The following LRTM1 variants were observed in gnomAD, a reference collection of about 807,000 sequenced individuals.
LRTM1 encodes the protein leucine rich repeat transmembrane protein 1.
In LRTM1, 38 loss-of-function variants were observed where a neutral mutation model predicts 32.4. That is an observed-to-expected ratio of 1.17 (90% CI 0.91 to 1.54). The LOEUF is 1.54. LRTM1 is among the 40% of genes most tolerant of loss of function. The probability of loss-of-function intolerance (pLI) is 0.00; values close to 1 mark genes in which losing one functional copy is unlikely to be tolerated. For synonymous variants in LRTM1, 186 were observed against 169.9 expected, an observed-to-expected ratio of 1.09 and a Z score of -0.74; for missense variants, 466 against 415.4, an observed-to-expected ratio of 1.12 and a Z score of -1.06.
chr3:54,965,845 A>G (rs1702136300), intron 1 of LRTM1, among the ~76,000 whole-genome samples: 1 of 152,158 alleles, frequency 6.6e-6, no homozygotes, highest in African/African-American at 2.4e-5. Flanking sequence ...CTCATGGTGC[A>G]GGCAGGGGTG....
At chr3:54,936,390 T>G (rs1027960195) in intron 1 of LRTM1, among the ~76,000 whole-genome samples, 1 of 152,154 alleles carries the variant, frequency 6.6e-6, no homozygotes, top group African/African-American at 2.4e-5. Context: ...AAGTGCAATC[T>G]CAGTGAATTT....
chr3:54,964,386 C>T (rs1311862586), intron 1 of LRTM1, among the ~76,000 whole-genome samples: 4 of 147,450 alleles, frequency 2.7e-5, no homozygotes, highest in South Asian at 2.3e-4. Context: ...CTGTCTAAAA[C>T]ATTACAAACC....
In LRTM1 at chr3:54,925,158, G is replaced by T. The variant is rs781754883; in HGVS notation, c.65C>A (p.Pro22Gln). ...IVLLQVVCSC[P>Q]DKCYCQSSTN... The stretch of plus-strand genomic sequence containing the variant: ...AGATGACTGACAGTAACACTTGTCC[G>T]GGCAGCTGCATACCACCTGGAGCAG... The change falls in exon 2 of 3, where the codon CCG becomes CAG. Residue 22 changes from proline to glutamine, a missense_variant. Pro to Gln is a moderately conservative substitution (Grantham distance 76, BLOSUM62 -1). Coordinates refer to ENST00000273286, the MANE Select transcript of LRTM1 (RefSeq NM_020678.4). The T allele has an allele frequency of 1.2e-6, 2 of 1,613,910 alleles. No individual in the cohort carries two copies. Among genetic ancestry groups the T allele is most frequent in the Non-Finnish European group, 1.7e-6 (2 of 1,180,004 alleles).
At chr3:54,944,825 G>A (rs1055693462) in intron 1 of LRTM1, among the ~76,000 whole-genome samples, 1 of 152,090 alleles carries the variant, frequency 6.6e-6, no homozygotes, top group African/African-American at 2.4e-5. Context: ...GTGTGTGTGT[G>A]TGTGTGTGTG....
chr3:54,928,821 T>C (rs1244686028), upstream of LRTM1, among the ~76,000 whole-genome samples: 2 of 151,992 alleles, frequency 1.3e-5, no homozygotes, highest in Non-Finnish European at 2.9e-5. Flanking sequence ...CCCTCACTTT[T>C]CACATATAAA....
chr3:54,965,292 C>A (rs1439333232), intron 1 of LRTM1, among the ~76,000 whole-genome samples: 1 of 152,182 alleles, frequency 6.6e-6, no homozygotes, highest in East Asian at 1.9e-4. Flanking sequence ...GCCATTTGAC[C>A]TCAGCCTGAA....
upstream of LRTM1, among the ~76,000 whole-genome samples, chr3:54,929,419 C>T (rs372856527): frequency 9.2e-5 from 14 of 152,192 alleles, no homozygotes; most frequent in Admixed American, 2.6e-4. Context: ...TGGAACCTGG[C>T]CCTTCGTGCC....
chr3:54,942,355 C>A (rs1701493309), intron 1 of LRTM1, among the ~76,000 whole-genome samples: 1 of 152,182 alleles, frequency 6.6e-6, no homozygotes, highest in South Asian at 2.1e-4. Flanking sequence ...GTTCTGCCAT[C>A]CCCTCCCACA....
At chr3:54,949,808 T>C (rs1411713061) in intron 1 of LRTM1, among the ~76,000 whole-genome samples, 1 of 152,172 alleles carries the variant, frequency 6.6e-6, no homozygotes, top group African/African-American at 2.4e-5. Context: ...AGACTTTTTT[T>C]GCCTGTGATT....
intron 2 of LRTM1, 79 bp downstream of exon 2, chr3:54,924,540 T>G: frequency 1.7e-6 from 2 of 1,200,764 alleles, no homozygotes; most frequent in Admixed American, 2.0e-5. Flanking sequence ...CTCCACATTC[T>G]TTCTAATGCA....
Position 54,934,787 on chromosome 3 carries a change from A to G in LRTM1, c.-221-9572T>C, listed in dbSNP as rs564550027. ...TCACCTGTTGCCCAGGCTGGAGTGC[A>G]GTGGCGCTATCGTAGCTCACTGCAA... On this transcript the variant is annotated intron_variant, in intron 1 of 2. Transcript: ENST00000493075. Among the ~76,000 whole-genome samples, 8 of 152,260 alleles carry G rather than the reference A, an allele frequency of 5.3e-5. No homozygotes were observed. In the East Asian group the frequency reaches 1.5e-3, roughly 29 times the overall value.
chr3:54,953,268 A>G (rs1304786582), intron 1 of LRTM1, among the ~76,000 whole-genome samples: 2 of 152,222 alleles, frequency 1.3e-5, no homozygotes, highest in African/African-American at 4.8e-5. Flanking sequence ...CTCTGAAGGC[A>G]TGCTGCATGT....
At chr3:54,934,249 C>T (rs1701274782) in intron 1 of LRTM1, among the ~76,000 whole-genome samples, 1 of 152,164 alleles carries the variant, frequency 6.6e-6, no homozygotes, top group African/African-American at 2.4e-5. Context: ...ATTTTTTACA[C>T]AACCCATTCT....
At chr3:54,921,827 T>C (rs961438676) in intron 2 of LRTM1, among the ~76,000 whole-genome samples, 3 of 152,194 alleles carry the variant, frequency 2.0e-5, no homozygotes, top group African/African-American at 7.2e-5. Flanking sequence ...ACAGATTTTA[T>C]TGCATATATA....
chr3:54,920,168 G>A (rs1373612547), intron 2 of LRTM1, among the ~76,000 whole-genome samples: 1 of 152,202 alleles, frequency 6.6e-6, no homozygotes, highest in Non-Finnish European at 1.5e-5. Flanking sequence ...GACATATGTA[G>A]AGGGCATCAC....
At chr3:54,953,176 A>G (rs761121845) in intron 1 of LRTM1, among the ~76,000 whole-genome samples, 1 of 152,236 alleles carries the variant, frequency 6.6e-6, no homozygotes, top group Non-Finnish European at 1.5e-5. Flanking sequence ...TGCTAGGCTC[A>G]TGACATACAT....
chr3:54,966,617 G>A (rs1231788452), intron 1 of LRTM1, among the ~76,000 whole-genome samples: 1 of 152,188 alleles, frequency 6.6e-6, no homozygotes, highest in Non-Finnish European at 1.5e-5. Context: ...CCACGAGTTA[G>A]AGATCAGCCT....
Position 54,944,094 on chromosome 3 carries a change from A to C in LRTM1, c.-221-18879T>G, listed in dbSNP as rs61569044. ...CTTTTGACTTCCTGTGTTGTTTAGG[A>C]AGTCTGATATCATACCATTTCCATA... On this transcript the variant is annotated intron_variant, in intron 1 of 2. Transcript: ENST00000493075. Among the ~76,000 whole-genome samples, 417 of 152,264 alleles carry C rather than the reference A, an allele frequency of 2.7e-3. 2 individuals are homozygous for C. Among genetic ancestry groups the C allele is most frequent in the African/African-American group, 9.7e-3 (403 of 41,550 alleles).
At chr3:54,932,665 G>A (rs1228070246), upstream of LRTM1, among the ~76,000 whole-genome samples, 1 of 152,160 alleles carries the variant, frequency 6.6e-6, no homozygotes, top group Non-Finnish European at 1.5e-5. Flanking sequence ...TCTCTGCCAA[G>A]GGGTCTCTAC....
Sources: gnomAD v4.1 joint callset for allele counts (sites outside exome capture counted in the v4.1 genomes callset) on GRCh38, gnomAD v4.1.1 for gene constraint, MANE v1.5 for transcripts, NCBI Gene and HGNC (gene_info 2026-07-23, HGNC 2026-07-21) for gene names.